Variants in SLX4IP observed in about 807,000 individuals in gnomAD.
SLX4IP encodes protein SLX4IP.
SLX4IP carries 34 observed loss-of-function variants against 32.9 expected under a neutral mutation model. That is an observed-to-expected ratio of 1.03 (90% confidence interval 0.79 to 1.38). SLX4IP has a LOEUF of 1.38. Ranked by LOEUF, SLX4IP falls within the 40% of genes most tolerant of loss-of-function variation. SLX4IP has a pLI of 0.00. For missense variants in SLX4IP, 444 were observed against 479.0 expected (o/e 0.93, Z 0.68); for synonymous variants, 172 against 171.7 (o/e 1.00, Z -0.01).
At chr20:10,499,496 G>T (rs573142576) in intron 2 of SLX4IP, among the ~76,000 whole-genome samples, 12 of 152,116 alleles carry the variant, frequency 7.9e-5, no homozygotes, top group Non-Finnish European at 1.8e-4. Context: ...CCAGTAATGG[G>T]TTATTGCTTG....
rs920667463 is a variant in SLX4IP at position 10,500,235 on chromosome 20, A to G, written c.27+42004A>G. 3.4e-5 allele frequency among the ~76,000 whole-genome samples: 5 copies of G among 149,212 alleles called. No homozygotes were observed. The South Asian group carries it at 1.1e-3, about 31-fold the overall frequency. On this transcript the variant is annotated intron_variant, in intron 2 of 7. Transcript: ENST00000334534. ...CTGCAACCTCTGAATTGTTCAAGCA[A>G]TTCTCTTGCCTCAGCCTCCTGAGTT... is the stretch of plus-strand genomic sequence containing the variant.
intron 4 of SLX4IP, among the ~76,000 whole-genome samples, chr20:10,579,574 C>T (rs981960529): frequency 1.3e-5 from 2 of 152,052 alleles, no homozygotes; most frequent in East Asian, 1.9e-4. Context: ...TTAAGGCATC[C>T]GCCACCATGC....
intron 2 of SLX4IP, among the ~76,000 whole-genome samples, chr20:10,478,678 T>A (rs746552033): frequency 2.6e-5 from 4 of 152,166 alleles, no homozygotes; most frequent in Non-Finnish European, 5.9e-5. Flanking sequence ...GAAGGGGCCC[T>A]GGAGCCTCTG....
chr20:10,615,987 A>G (rs1441927961), intron 6 of SLX4IP, among the ~76,000 whole-genome samples: 1 of 152,096 alleles, frequency 6.6e-6, no homozygotes, highest in Admixed American at 6.5e-5. Context: ...CATTGGCAGC[A>G]CCTGAATTTT....
intron 6 of SLX4IP, 72 bp downstream of exon 6, chr20:10,601,891 A>G: frequency 7.4e-7 from 1 of 1,348,950 alleles, no homozygotes. Context: ...ATAGAAAACA[A>G]GAATTGTCTG....
At chr20:10,541,602 G>A (rs2066107429) in intron 2 of SLX4IP, among the ~76,000 whole-genome samples, 1 of 152,176 alleles carries the variant, frequency 6.6e-6, no homozygotes, top group Admixed American at 6.5e-5. Context: ...GTGGCTTGAG[G>A]CTAAGGTATT....
chr20:10,452,674 A>T (rs562845445), intron 1 of SLX4IP, among the ~76,000 whole-genome samples: 5,654 of 93,630 alleles, frequency 0.06, 176 homozygotes, highest in Admixed American at 0.15. Flanking sequence ...CAAAAAAAAA[A>T]AAAAAAATAT....
intron 2 of SLX4IP, among the ~76,000 whole-genome samples, chr20:10,486,841 T>C (rs1246387194): frequency 6.6e-6 from 1 of 152,194 alleles, no homozygotes; most frequent in Non-Finnish European, 1.5e-5. Flanking sequence ...CATTTAAAAA[T>C]TGTTCTTTTG....
At chr20:10,477,877 G>T in intron 2 of SLX4IP, among the ~76,000 whole-genome samples, 1 of 149,310 alleles carries the variant, frequency 6.7e-6, no homozygotes. Flanking sequence ...GTGTGTTGTG[G>T]TGTTCCTTGT....
At chr20:10,519,156 T>C (rs1233803860) in intron 2 of SLX4IP, among the ~76,000 whole-genome samples, 1 of 152,228 alleles carries the variant, frequency 6.6e-6, no homozygotes, top group Non-Finnish European at 1.5e-5. Context: ...TTGACAAATA[T>C]TTACATCTGT....
rs536824485 is a variant in SLX4IP at position 10,458,355 on chromosome 20, T to A, written c.27+124T>A. On this transcript the variant is annotated intron_variant, in intron 2 of 7. Coordinates refer to ENST00000334534, the MANE Select transcript of SLX4IP (RefSeq NM_001009608.3). ...TTTTACACTTGGGACTCTGCAAAAT[T>A]TTTTTTTTTCCTTCAACTTTTAAGT... 6.9e-4 allele frequency: 535 copies of A among 773,452 alleles called. 3 individuals carry two copies. Among genetic ancestry groups the A allele is most frequent in the Middle Eastern group, 1.1e-3 (4 of 3,672 alleles). 47.9% of individuals were successfully genotyped at this position (773,452 alleles called of 1,614,324 possible). A position where few individuals can be genotyped will look rare whatever the true frequency, so the allele number is the denominator to read the frequency against.
chr20:10,523,396 T>C (rs1056077945), intron 2 of SLX4IP, among the ~76,000 whole-genome samples: 1 of 152,240 alleles, frequency 6.6e-6, no homozygotes, highest in African/African-American at 2.4e-5. Flanking sequence ...AATTATTAAA[T>C]TGCCTAAATT....
At chr20:10,475,708 A>G (rs2122371483) in intron 2 of SLX4IP, among the ~76,000 whole-genome samples, 1 of 152,312 alleles carries the variant, frequency 6.6e-6, no homozygotes, top group Middle Eastern at 3.4e-3. Context: ...TTCTGCCCCA[A>G]TAGCAAACTT....
intron 4 of SLX4IP, among the ~76,000 whole-genome samples, chr20:10,596,713 T>C (rs1368473100): frequency 6.6e-6 from 1 of 152,200 alleles, no homozygotes; most frequent in Non-Finnish European, 1.5e-5. Flanking sequence ...AAAAATACTT[T>C]TAAATTTTGC....
At chr20:10,460,856 T>C (rs1179729769) in intron 2 of SLX4IP, among the ~76,000 whole-genome samples, 1 of 152,200 alleles carries the variant, frequency 6.6e-6, no homozygotes. Flanking sequence ...TGGTTATCTG[T>C]CTTTCTTCTC....
At chr20:10,580,496 AC>A (rs2066572044) in intron 4 of SLX4IP, among the ~76,000 whole-genome samples, 1 of 106,174 alleles carries the variant, frequency 9.4e-6, no homozygotes, top group Non-Finnish European at 2.0e-5. Context: ...AGTTAGACTT[AC>A]CCTTTTTTTT....
At chr20:10,613,198 C>G in intron 6 of SLX4IP, 1 of 538,044 alleles carries the variant, frequency 1.9e-6, no homozygotes, top group Non-Finnish European at 3.3e-6. Flanking sequence ...CTCCCTCCAC[C>G]CTCCCAACTG....
intron 2 of SLX4IP, among the ~76,000 whole-genome samples, chr20:10,476,535 A>G (rs955940491): frequency 1.3e-5 from 2 of 152,200 alleles, no homozygotes; most frequent in Non-Finnish European, 2.9e-5. Context: ...AGGTTGCTGG[A>G]TGGAATCAGA....
At chr20:10,441,688 G>T (rs2065160691) in intron 1 of SLX4IP, among the ~76,000 whole-genome samples, 1 of 151,028 alleles carries the variant, frequency 6.6e-6, no homozygotes, top group African/African-American at 2.4e-5. Context: ...TTTGTTACTT[G>T]CATTATCCTC....
Sources: gnomAD v4.1 joint callset for allele counts (sites outside exome capture counted in the v4.1 genomes callset) on GRCh38, gnomAD v4.1.1 for gene constraint, MANE v1.5 for transcripts, NCBI Gene and HGNC (gene_info 2026-07-23, HGNC 2026-07-21) for gene names.